Variants in CATSPERB observed in about 807,000 individuals in gnomAD.
CATSPERB encodes cation channel sperm-associated auxiliary subunit beta.
CATSPERB carries 93 observed loss-of-function variants against 128.3 expected under a neutral mutation model. The observed-to-expected ratio is 0.72, with a 90% CI of 0.61 to 0.86. The LOEUF (loss-of-function observed/expected upper bound fraction) is 0.86. Among genes scored for constraint, CATSPERB ranks in the 40% least tolerant of loss-of-function variants. The pLI, the probability that CATSPERB is intolerant of heterozygous loss-of-function variation, is 0.00. For missense variants in CATSPERB, 1,153 were observed against 1,329.5 expected, an observed-to-expected ratio of 0.87 and a Z score of 2.06; for synonymous variants, 381 against 448.8, an observed-to-expected ratio of 0.85 and a Z score of 1.91.
intron 15 of CATSPERB, among the ~76,000 whole-genome samples, chr14:91,648,968 C>T (rs534590055): frequency 7.9e-5 from 12 of 151,096 alleles, no homozygotes; most frequent in Non-Finnish European, 1.6e-4. Flanking sequence ...TCACCTGGCA[C>T]TTCCCATTCA....
chr14:91,690,117 C>A (rs563623082), intron 10 of CATSPERB, among the ~76,000 whole-genome samples: 1 of 152,238 alleles, frequency 6.6e-6, no homozygotes, highest in South Asian at 2.1e-4. Flanking sequence ...CTCAGCCTCC[C>A]GAGTAGCTGG....
In CATSPERB at chr14:91,591,996, C is replaced by A; in HGVS notation, c.2716G>T (p.Gly906Cys). 1 of 1,609,046 alleles carries A rather than the reference C, an allele frequency of 6.2e-7. No individual in the cohort carries two copies. The highest frequency in any genetic ancestry group is 8.5e-7 in the Non-Finnish European group (1 of 1,175,742). ...RNMFHMSKKTGKFKQCANVST... is the reference protein window; with the variant it reads ...RNMFHMSKKTCKFKQCANVST... ...ACATTAGCACACTGTTTGAATTTAC[C>A]GGTTTTCTGCAAATAGAAGTAACAG... The change falls in exon 23 of 27, where the codon GGT (glycine) becomes TGT (cysteine). Residue 906 changes from glycine to cysteine, a missense_variant. Physicochemically the swap from Gly to Cys is radical, Grantham distance 159 (BLOSUM62 -3). Transcript: ENST00000256343.
intron 20 of CATSPERB, among the ~76,000 whole-genome samples, chr14:91,612,089 G>A (rs1001104045): frequency 4.4e-5 from 6 of 136,746 alleles, no homozygotes; most frequent in African/African-American, 1.8e-4. Flanking sequence ...AGATGAGATC[G>A]CGCTCTGTCA....
At chr14:91,729,130 G>A (rs1024568650) in intron 2 of CATSPERB, among the ~76,000 whole-genome samples, 1 of 152,130 alleles carries the variant, frequency 6.6e-6, no homozygotes, top group Non-Finnish European at 1.5e-5. Context: ...ACGAGGTCAG[G>A]AGTTCAAGAC....
chr14:91,680,260 C>T (rs1367691513), intron 11 of CATSPERB, among the ~76,000 whole-genome samples: 2 of 152,150 alleles, frequency 1.3e-5, no homozygotes, highest in African/African-American at 4.8e-5. Flanking sequence ...TACTTTACCT[C>T]CAAAACTGAA....
In CATSPERB at chr14:91,596,674, T is replaced by C. The variant is rs1327154031; in HGVS notation, c.2710-4672A>G. 1.3e-5 allele frequency among the ~76,000 whole-genome samples: 2 copies of C among 152,294 alleles called. 1 individual carries two copies. The highest frequency in any genetic ancestry group is 4.1e-4 in the South Asian group (2 of 4,828). On this transcript the variant is annotated intron_variant, in intron 22 of 26. Transcript: ENST00000256343. ...TAACAATTATGATTATTACTGATAA[T>C]GTACACTAAGTTATATCAGAATTAC...
At chr14:91,664,995 A>G (rs565879560) in intron 14 of CATSPERB, among the ~76,000 whole-genome samples, 1 of 151,904 alleles carries the variant, frequency 6.6e-6, no homozygotes, top group East Asian at 1.9e-4. Context: ...GCTCAAGGAA[A>G]CCTTCCACCT....
At chr14:91,729,923 G>A (rs1053619347) in intron 1 of CATSPERB, among the ~76,000 whole-genome samples, 6 of 152,262 alleles carry the variant, frequency 3.9e-5, no homozygotes, top group Admixed American at 3.9e-4. Context: ...GCAAGGCCCT[G>A]GATGGTGTTC....
At chr14:91,627,877 C>G (rs541370789) in intron 17 of CATSPERB, among the ~76,000 whole-genome samples, 3 of 152,270 alleles carry the variant, frequency 2.0e-5, no homozygotes, top group African/African-American at 7.2e-5. Context: ...ACATGGGAGG[C>G]TGAGGCAGGA....
chr14:91,584,288 C>G (rs1704598), intron 26 of CATSPERB, among the ~76,000 whole-genome samples: 3 of 151,740 alleles, frequency 2.0e-5, no homozygotes, highest in African/African-American at 7.3e-5. Flanking sequence ...AGGCTGGTCT[C>G]GAACTCCTGA....
At chr14:91,652,560 A>G (rs12895816) in intron 15 of CATSPERB, among the ~76,000 whole-genome samples, 87,502 of 148,442 alleles carry the variant, frequency 0.59, 26,531 homozygotes, top group East Asian at 0.77. Context: ...AATCCCAGCT[A>G]CTCGGGAGGC....
intron 17 of CATSPERB, 166 bp downstream of exon 17, chr14:91,636,259 A>T: frequency 1.7e-6 from 1 of 597,696 alleles, no homozygotes; most frequent in South Asian, 2.6e-5. Context: ...GCTATTCTGG[A>T]GGCTGGGGCC....
chr14:91,590,903 G>A (rs910254058), intron 23 of CATSPERB, among the ~76,000 whole-genome samples: 14 of 151,866 alleles, frequency 9.2e-5, no homozygotes, highest in African/African-American at 2.7e-4. Context: ...CGCCCGCCTC[G>A]GCCTCCCAAA....
chr14:91,692,616 C>T (rs754876638), intron 9 of CATSPERB, among the ~76,000 whole-genome samples: 1 of 152,066 alleles, frequency 6.6e-6, no homozygotes, highest in Middle Eastern at 3.2e-3. Flanking sequence ...TTTCTCCTAC[C>T]GATCCCAAGT....
chr14:91,654,751 G>A (rs1269190795), intron 15 of CATSPERB, among the ~76,000 whole-genome samples: 1 of 152,176 alleles, frequency 6.6e-6, no homozygotes, highest in Non-Finnish European at 1.5e-5. Flanking sequence ...TGGGCCTAGA[G>A]TGAACATAGG....
chr14:91,608,204 C>T, intron 22 of CATSPERB, 90 bp downstream of exon 22: 3 of 793,134 alleles, frequency 3.8e-6, no homozygotes, highest in South Asian at 1.6e-5. Flanking sequence ...TTCACCTTCT[C>T]ATTTAACACT....
intron 10 of CATSPERB, 69 bp from the exon 11 acceptor site, chr14:91,684,012 A>C (rs993401963): frequency 1.8e-6 from 2 of 1,117,058 alleles, no homozygotes. Flanking sequence ...ATAAGATAGA[A>C]AAAACTAAAA....
chr14:91,650,522 A>G (rs1012846576), intron 15 of CATSPERB, among the ~76,000 whole-genome samples: 9 of 152,230 alleles, frequency 5.9e-5, no homozygotes, highest in African/African-American at 1.9e-4. Flanking sequence ...GCATTGTTGC[A>G]GCAGAAGAAT....
At chr14:91,628,462 C>T (rs574778869) in intron 17 of CATSPERB, among the ~76,000 whole-genome samples, 1 of 152,168 alleles carries the variant, frequency 6.6e-6, no homozygotes, top group South Asian at 2.1e-4. Flanking sequence ...GCTCAATGTC[C>T]CCACCCAAAT....
Sources: gnomAD v4.1 joint callset for allele counts (sites outside exome capture counted in the v4.1 genomes callset) on GRCh38, gnomAD v4.1.1 for gene constraint, MANE v1.5 for transcripts, NCBI Gene and HGNC (gene_info 2026-07-23, HGNC 2026-07-21) for gene names.